Variants in CNBD1 observed in about 807,000 individuals in gnomAD.
The protein encoded by CNBD1 is cyclic nucleotide-binding domain-containing protein 1.
CNBD1 carries 71 observed loss-of-function variants against 54.4 expected under a neutral mutation model. The observed-to-expected ratio is 1.30, with a 90% CI of 1.08 to 1.59. The LOEUF (loss-of-function observed/expected upper bound fraction) is 1.59. Ranked by LOEUF, CNBD1 falls within the 40% of genes most tolerant of loss-of-function variation. The pLI is 0.00. For missense variants in CNBD1, 659 were observed against 518.0 expected, an observed-to-expected ratio of 1.27 and a Z score of -2.64; for synonymous variants, 182 against 170.7, an observed-to-expected ratio of 1.07 and a Z score of -0.51.
chr8:87,217,021 T>C (rs1814226987), intron 5 of CNBD1, among the ~76,000 whole-genome samples: 1 of 152,186 alleles, frequency 6.6e-6, no homozygotes, highest in African/African-American at 2.4e-5. Flanking sequence ...GGAGAATGGC[T>C]CTTGATGTAA....
intron 4 of CNBD1, among the ~76,000 whole-genome samples, chr8:86,967,288 G>C (rs1416127129): frequency 6.6e-6 from 1 of 152,228 alleles, no homozygotes; most frequent in African/African-American, 2.4e-5. Flanking sequence ...TGCTTGCTGC[G>C]GGCCCTACCC....
At chr8:87,111,669 C>G (rs1235173933) in intron 4 of CNBD1, among the ~76,000 whole-genome samples, 2 of 152,194 alleles carry the variant, frequency 1.3e-5, no homozygotes, top group East Asian at 3.9e-4. Flanking sequence ...TTTATTTATT[C>G]GTGATCTCTT....
intron 10 of CNBD1, among the ~76,000 whole-genome samples, chr8:87,376,987 G>A (rs148301657): frequency 4.0e-5 from 6 of 149,312 alleles, no homozygotes; most frequent in African/African-American, 1.5e-4. Flanking sequence ...ACAATACTAA[G>A]TGTTGATATT....
At position 87,230,633 on chromosome 8, in the gene CNBD1, G is replaced by A. The variant is rs182835271; in HGVS notation, c.578-6286G>A. Among the ~76,000 whole-genome samples, 519 of 152,208 alleles carry A rather than the reference G, an allele frequency of 3.4e-3. 4 individuals are homozygous for A. Among genetic ancestry groups the A allele is most frequent in the African/African-American group, 0.012 (498 of 41,522 alleles). ...TCTGCAATATGCAGTAACAATGTAT[G>A]GTTTTCTGGGTTATTGGAATAATTA... On this transcript the variant is annotated intron_variant, in intron 5 of 10. Coordinates refer to ENST00000518476, the MANE Select transcript of CNBD1 (RefSeq NM_173538.3).
rs533801373 is a variant in CNBD1 at position 86,937,238 on chromosome 8, A to G, written c.273-2358A>G. On this transcript the variant is annotated intron_variant, in intron 3 of 10. Transcript: ENST00000518476. ...ACCATCAGATCTCATGAGACTTACT[A>G]TCATGAGAACAGCATGGGAAAGACC... Among the ~76,000 whole-genome samples the G allele has an allele frequency of 4.9e-4, 75 of 152,254 alleles. No individual in the cohort carries two copies. In the South Asian group the frequency reaches 5.8e-3, roughly 12 times the overall value.
chr8:87,231,930 T>C (rs558727614), intron 5 of CNBD1, among the ~76,000 whole-genome samples: 1 of 152,356 alleles, frequency 6.6e-6, no homozygotes, highest in East Asian at 1.9e-4. Context: ...GTCTGTTGTC[T>C]GTCCCATAGG....
chr8:87,289,688 CATA>C lies in CNBD1; in HGVS notation c.1042+3025_1042+3027del, dbSNP rs1174781706. ...GCAGAAAGATAAAGTATGTGAAAAT[CATA>C]ATAATAACAGTAATAGTCAAAATTA... On this transcript the variant is annotated intron_variant, in intron 8 of 10. Coordinates refer to ENST00000518476, the MANE Select transcript of CNBD1 (RefSeq NM_173538.3). Among the ~76,000 whole-genome samples the C allele has an allele frequency of 5.9e-5, 9 of 152,168 alleles. No homozygotes were observed. The East Asian group carries it at 1.5e-3, about 26-fold the overall frequency.
chr8:86,911,070 C>G (rs1809093165), intron 3 of CNBD1, among the ~76,000 whole-genome samples: 1 of 152,214 alleles, frequency 6.6e-6, no homozygotes, highest in African/African-American at 2.4e-5. Flanking sequence ...TTCTCTACCT[C>G]ACCATGTTGC....
chr8:87,331,116 G>T (rs1397232990), intron 8 of CNBD1, among the ~76,000 whole-genome samples: 2 of 152,062 alleles, frequency 1.3e-5, no homozygotes, highest in South Asian at 2.1e-4. Flanking sequence ...TGTTACACAG[G>T]TATACATATG....
chr8:87,055,296 T>C (rs1156351445), intron 4 of CNBD1, among the ~76,000 whole-genome samples: 1 of 152,232 alleles, frequency 6.6e-6, no homozygotes, highest in Non-Finnish European at 1.5e-5. Flanking sequence ...CTCATCTCTG[T>C]TGCTGTTTGA....
At chr8:86,985,559 A>C (rs566547394) in intron 4 of CNBD1, among the ~76,000 whole-genome samples, 1 of 152,204 alleles carries the variant, frequency 6.6e-6, no homozygotes, top group African/African-American at 2.4e-5. Context: ...TACAAATGAC[A>C]TGGTTTTATT....
Position 87,264,750 on chromosome 8 carries a change from T to G in CNBD1, c.772-19928T>G, listed in dbSNP as rs534016453. 7.2e-5 allele frequency among the ~76,000 whole-genome samples: 11 copies of G among 152,302 alleles called. No homozygotes were observed. The South Asian group carries it at 2.3e-3, about 32-fold the overall frequency. On this transcript the variant is annotated intron_variant, in intron 6 of 10. Coordinates refer to ENST00000518476, the MANE Select transcript of CNBD1 (RefSeq NM_173538.3). ...TGATTTTCATTCCTCTGATGACTAGTGATGATGAGCATTTTTTTCCTGTGT... is the reference window on the plus strand; with the variant it reads ...TGATTTTCATTCCTCTGATGACTAGGGATGATGAGCATTTTTTTCCTGTGT...
intron 2 of CNBD1, among the ~76,000 whole-genome samples, chr8:87,414,230 G>A (rs111362466): frequency 0.015 from 2,274 of 152,154 alleles, 59 homozygotes; most frequent in African/African-American, 0.049. Flanking sequence ...TAGGGACATG[G>A]ATGAAACTGG....
intron 5 of CNBD1, among the ~76,000 whole-genome samples, chr8:87,213,057 C>T (rs1441127440): frequency 6.6e-6 from 1 of 152,068 alleles, no homozygotes; most frequent in African/African-American, 2.4e-5. Context: ...TGAATAGATA[C>T]ATTTTCAGAG....
intron 4 of CNBD1, among the ~76,000 whole-genome samples, chr8:87,120,336 A>G (rs1469918922): frequency 6.6e-6 from 1 of 151,782 alleles, no homozygotes; most frequent in African/African-American, 2.4e-5. Flanking sequence ...CCATTTCCTC[A>G]AGGTTTTCCA....
intron 4 of CNBD1, among the ~76,000 whole-genome samples, chr8:87,127,088 T>C (rs1323590119): frequency 6.6e-6 from 1 of 151,894 alleles, no homozygotes; most frequent in Non-Finnish European, 1.5e-5. Context: ...AATAAATAAG[T>C]AATGTTTGTC....
chr8:87,102,053 T>A (rs1811438690), intron 4 of CNBD1, among the ~76,000 whole-genome samples: 1 of 152,056 alleles, frequency 6.6e-6, no homozygotes, highest in Non-Finnish European at 1.5e-5. Context: ...CATGTCTGGC[T>A]AATTTTTATA....
intron 4 of CNBD1, among the ~76,000 whole-genome samples, chr8:87,150,771 C>T (rs1249019313): frequency 6.6e-6 from 1 of 152,110 alleles, no homozygotes; most frequent in Admixed American, 6.6e-5. Context: ...AGTTAGGCCC[C>T]TACTCCCAAA....
intron 4 of CNBD1, among the ~76,000 whole-genome samples, chr8:87,116,070 T>A (rs1241181530): frequency 1.3e-5 from 2 of 152,168 alleles, no homozygotes; most frequent in South Asian, 2.1e-4. Flanking sequence ...TGGCCATTTT[T>A]AAAATTTTAG....
Sources: gnomAD v4.1 joint callset for allele counts (sites outside exome capture counted in the v4.1 genomes callset) on GRCh38, gnomAD v4.1.1 for gene constraint, MANE v1.5 for transcripts, NCBI Gene and HGNC (gene_info 2026-07-23, HGNC 2026-07-21) for gene names.